The following CFAP77 variants were observed in gnomAD, a reference collection of about 807,000 sequenced individuals.
The protein encoded by CFAP77 is cilia- and flagella-associated protein 77.
In CFAP77, 25 loss-of-function variants were observed where a neutral mutation model predicts 31.1. That is an observed-to-expected ratio of 0.80 (90% CI 0.59 to 1.12). The LOEUF (loss-of-function observed/expected upper bound fraction) is 1.12, where lower values mean the gene tolerates loss of function less well. CFAP77 is among the 50% of genes most tolerant of loss of function. CFAP77 has a pLI of 0.00. For missense variants in CFAP77, 377 were observed against 397.3 expected (o/e 0.95, Z 0.44); for synonymous variants, 151 against 159.9 (o/e 0.94, Z 0.42).
chr9:132,490,939 AC>A lies in CFAP77; in HGVS notation c.196-7755del, dbSNP rs1851643203. Among the ~76,000 whole-genome samples, 1 of 152,000 alleles carries A rather than the reference AC, an allele frequency of 6.6e-6. No homozygotes were observed. The highest frequency in any genetic ancestry group is 2.1e-4 in the South Asian group (1 of 4,826). Reference sequence around the variant, plus strand: ...TCTCCAGGCACTCTGGTTTCCTTCCACATCCCAGAGATGTGCACATTAGGTG... The same window carrying A: ...TCTCCAGGCACTCTGGTTTCCTTCCAATCCCAGAGATGTGCACATTAGGTG... On this transcript the variant is annotated intron_variant, in intron 1 of 5. Coordinates refer to ENST00000393216, the MANE Select transcript of CFAP77 (RefSeq NM_001282957.2). This position sits in a 1 kb window ranked among gnomAD's most constrained non-coding sequence, Gnocchi z 4.6.
At chr9:132,469,435 A>G (rs1019947376) in intron 1 of CFAP77, among the ~76,000 whole-genome samples, 5 of 152,208 alleles carry the variant, frequency 3.3e-5, no homozygotes, top group African/African-American at 1.2e-4. Context: ...GCGAGTTAGC[A>G]TTTAAATAAA....
chr9:132,531,213 C>G (rs748218043), intron 3 of CFAP77, among the ~76,000 whole-genome samples: 10 of 152,238 alleles, frequency 6.6e-5, no homozygotes, highest in African/African-American at 9.6e-5. Flanking sequence ...GCCATGTGTC[C>G]TCTCTTTCTC....
chr9:132,411,890 CAT>C (rs1057196300), intron 1 of CFAP77, among the ~76,000 whole-genome samples: 4 of 148,046 alleles, frequency 2.7e-5, no homozygotes, highest in Non-Finnish European at 4.5e-5. Context: ...CACACACACA[CAT>C]ACATGCATAT....
intron 3 of CFAP77, among the ~76,000 whole-genome samples, chr9:132,502,476 C>T (rs1302879512): frequency 6.6e-6 from 1 of 152,046 alleles, no homozygotes; most frequent in African/African-American, 2.4e-5. Flanking sequence ...AAACTCTTTC[C>T]CTATTAAACA....
chr9:132,538,302 C>T (rs1287408677), intron 4 of CFAP77, among the ~76,000 whole-genome samples: 5 of 151,978 alleles, frequency 3.3e-5, no homozygotes, highest in South Asian at 2.1e-4. Context: ...GCTTCCCAGG[C>T]GTGGAAGTCG....
At chr9:132,430,373 A>G (rs1226325191) in intron 1 of CFAP77, among the ~76,000 whole-genome samples, 1 of 152,108 alleles carries the variant, frequency 6.6e-6, no homozygotes, top group African/African-American at 2.4e-5. Flanking sequence ...GATTTTTGCA[A>G]GCATTAGATG....
At chr9:132,438,367 C>G (rs1394793639) in intron 1 of CFAP77, among the ~76,000 whole-genome samples, 5 of 150,964 alleles carry the variant, frequency 3.3e-5, no homozygotes, top group African/African-American at 1.2e-4. Context: ...ATGATTGGCT[C>G]TGGTGAGCTG....
intron 1 of CFAP77, among the ~76,000 whole-genome samples, chr9:132,459,945 T>C (rs1388507506): frequency 6.6e-6 from 1 of 151,994 alleles, no homozygotes; most frequent in Non-Finnish European, 1.5e-5. Context: ...TGAGTGTGTG[T>C]GAGTCTGAGT....
intron 3 of CFAP77, among the ~76,000 whole-genome samples, chr9:132,519,829 T>C: frequency 7.1e-6 from 1 of 141,182 alleles, no homozygotes; most frequent in South Asian, 2.3e-4. Flanking sequence ...GATGGATGGA[T>C]GGATGGATGG....
chr9:132,413,911 A>G (rs1850053671), intron 1 of CFAP77, among the ~76,000 whole-genome samples: 1 of 152,194 alleles, frequency 6.6e-6, no homozygotes, highest in South Asian at 2.1e-4. Flanking sequence ...TTTAAAATAG[A>G]GTCATAGAGC....
At position 132,545,425 on chromosome 9, in the gene CFAP77, G is replaced by A. The variant is rs758633940; in HGVS notation, c.732+2378G>A. ...CCCAAGCCGAGACACATGACCTATC[G>A]GGCCATAAAACTCATGAGAAAGAAA... On this transcript the variant is annotated intron_variant, in intron 5 of 5. Transcript: ENST00000393216. This position sits in a 1 kb window ranked among gnomAD's most constrained non-coding sequence, Gnocchi z 4.6. 1.3e-5 allele frequency among the ~76,000 whole-genome samples: 2 copies of A among 152,010 alleles called. No individual in the cohort carries two copies. The highest frequency in any genetic ancestry group is 2.9e-5 in the Non-Finnish European group (2 of 68,010).
rs1851733823 is a variant in CFAP77 at position 132,495,896 on chromosome 9, T to G, written c.196-2799T>G. ...CATCTGCAAACCAAGAAGAGAGCCC[T>G]CACCAAGACACTGGGTCTGTTGGTG... is the stretch of plus-strand genomic sequence containing the variant. On this transcript the variant is annotated intron_variant, in intron 1 of 5. Transcript: ENST00000393216. This position sits in a 1 kb window ranked among gnomAD's most constrained non-coding sequence, Gnocchi z 4.2. 6.6e-6 allele frequency among the ~76,000 whole-genome samples: 1 copy of G among 152,236 alleles called. No individual in the cohort carries two copies. The highest frequency in any genetic ancestry group is 6.5e-5 in the Admixed American group (1 of 15,280).
At chr9:132,417,638 G>C (rs540465717) in intron 1 of CFAP77, among the ~76,000 whole-genome samples, 1 of 152,310 alleles carries the variant, frequency 6.6e-6, no homozygotes, top group South Asian at 2.1e-4. Context: ...ATTTAAAATG[G>C]AATGGTAATA....
chr9:132,420,666 C>CAAA (rs11414328), intron 1 of CFAP77, among the ~76,000 whole-genome samples: 1 of 128,012 alleles, frequency 7.8e-6, no homozygotes. Context: ...GACTCTGTCT[C>CAAA]AAAAAAAAAA....
intron 5 of CFAP77, among the ~76,000 whole-genome samples, chr9:132,551,532 G>C (rs921823334): frequency 4.6e-5 from 7 of 152,224 alleles, no homozygotes; most frequent in African/African-American, 1.7e-4. Flanking sequence ...CTGGCCTCCA[G>C]TGATCCGCCC....
At chr9:132,463,772 A>T (rs1056378032) in intron 1 of CFAP77, among the ~76,000 whole-genome samples, 1 of 152,186 alleles carries the variant, frequency 6.6e-6, no homozygotes, top group African/African-American at 2.4e-5. Flanking sequence ...CCTGGAGGCA[A>T]CGGGGAGTCC....
chr9:132,467,875 G>T (rs569154991), intron 1 of CFAP77, among the ~76,000 whole-genome samples: 3 of 152,100 alleles, frequency 2.0e-5, no homozygotes, highest in Non-Finnish European at 2.9e-5. Context: ...TCTGGGTTTG[G>T]TTTTTTTCTT....
rs112247278 is a variant in CFAP77, at chr9:132,495,184, A to AT, written c.196-3499dup. Among the ~76,000 whole-genome samples, 332 of 147,494 alleles carry AT rather than the reference A, an allele frequency of 2.3e-3. 1 individual carries two copies. Among genetic ancestry groups the AT allele is most frequent in the East Asian group, 9.3e-3 (47 of 5,050 alleles). The stretch of plus-strand genomic sequence containing the variant: ...AAGTATGAGCAAACCTCCCATTGGG[A>AT]TTTTTTTTTTTTGTAGTCTAAAGCT... On this transcript the variant is annotated intron_variant, in intron 1 of 5. Coordinates refer to ENST00000393216, the MANE Select transcript of CFAP77 (RefSeq NM_001282957.2). The surrounding 1 kb of genome is among the most constrained non-coding windows in gnomAD (Gnocchi z 4.2).
At chr9:132,488,702 G>A (rs1310705535) in intron 1 of CFAP77, among the ~76,000 whole-genome samples, 5 of 152,204 alleles carry the variant, frequency 3.3e-5, no homozygotes, top group Non-Finnish European at 7.3e-5. Context: ...TTCTCATGGC[G>A]ACAGGCTGCT....
Sources: gnomAD v4.1 joint callset for allele counts (sites outside exome capture counted in the v4.1 genomes callset) on GRCh38, gnomAD v4.1.1 for gene constraint, Gnocchi (gnomAD v3.1) non-coding constraint, MANE v1.5 for transcripts, NCBI Gene and HGNC (gene_info 2026-07-23, HGNC 2026-07-21) for gene names.